Variants in FERMT2 observed in about 807,000 individuals in gnomAD.
FERMT2 encodes the protein FERM domain containing kindlin 2.
Under a neutral mutation model 82.7 loss-of-function variants are expected in FERMT2, and 15 were observed. The ratio of observed to expected loss-of-function variants is 0.18; its 90% CI spans 0.12 to 0.28. The LOEUF is 0.28. Among genes scored for constraint, FERMT2 ranks in the 10% least tolerant of loss-of-function variants. The pLI, the probability that FERMT2 is intolerant of heterozygous loss-of-function variation, is 1.00. For missense variants in FERMT2, 645 were observed against 809.4 expected, an observed-to-expected ratio of 0.80 and a Z score of 2.46; for synonymous variants, 274 against 271.5, an observed-to-expected ratio of 1.01 and a Z score of -0.09.
intron 3 of FERMT2, among the ~76,000 whole-genome samples, chr14:52,910,766 T>C (rs973725463): frequency 3.9e-5 from 6 of 152,196 alleles, no homozygotes; most frequent in African/African-American, 1.4e-4. Flanking sequence ...TGGATCACTG[T>C]CCTTTTTCAG....
At chr14:52,942,364 G>A (rs544795291) in intron 2 of FERMT2, among the ~76,000 whole-genome samples, 35 of 148,752 alleles carry the variant, frequency 2.4e-4, no homozygotes, top group African/African-American at 6.7e-4. Context: ...GTGCAGTGGC[G>A]CGATCCCGGC....
intron 3 of FERMT2, among the ~76,000 whole-genome samples, chr14:52,904,744 T>C (rs1887892037): frequency 7.3e-6 from 1 of 136,126 alleles, no homozygotes; most frequent in Non-Finnish European, 1.6e-5. Context: ...TGATGAGACC[T>C]AATCTCTAAA....
rs79173467 is a variant in FERMT2 at position 52,950,402 on chromosome 14, T to A, written c.157+10A>T. On this transcript the variant is annotated intron_variant, in intron 2 of 14. Coordinates refer to ENST00000341590, the MANE Select transcript of FERMT2 (RefSeq NM_006832.3). ...AGTCATTAGTTGGACGCGGCTGGGATGCTACTCACCGAGTTTCTCCACCAG... is the reference window on the plus strand; with the variant it reads ...AGTCATTAGTTGGACGCGGCTGGGAAGCTACTCACCGAGTTTCTCCACCAG... 1 of 1,610,486 alleles carries A rather than the reference T, an allele frequency of 6.2e-7. No individual in the cohort carries two copies. The highest frequency in any genetic ancestry group is 1.3e-5 in the African/African-American group (1 of 74,620).
Position 52,919,251 on chromosome 14 carries a change from G to C in FERMT2, c.263C>G (p.Ala88Gly), listed in dbSNP as rs764003998. ...GTGCTGAGGGGTGAACTGAAGCTTA[G>C]CATCTGCCTGAATACCATACTTATC... ...TLDKYGIQAD[A>G]KLQFTPQHKL... Residue 88 changes from alanine to glycine, a missense_variant, in exon 3 of 15, where the codon GCT (alanine) becomes GGT (glycine). Transcript: ENST00000341590. The C allele has an allele frequency of 6.2e-7, 1 of 1,614,064 alleles. No individual in the cohort carries two copies. The highest frequency in any genetic ancestry group is 2.2e-5 in the East Asian group (1 of 44,884).
At chr14:52,950,357 TC>T in intron 2 of FERMT2, 54 bp downstream of exon 2, 2 of 1,565,932 alleles carry the variant, frequency 1.3e-6, no homozygotes, top group Non-Finnish European at 8.7e-7. Context: ...GCCTCTTTCC[TC>T]CCCCTACCAA....
Position 52,884,874 on chromosome 14 carries a change from C to T in FERMT2, c.527-3405G>A, listed in dbSNP as rs530484785. 2.1e-4 allele frequency among the ~76,000 whole-genome samples: 31 copies of T among 149,232 alleles called. No homozygotes were observed. In the South Asian group the frequency reaches 5.8e-3, roughly 28 times the overall value. ...AAAATAAGCTGGGTGTGGTGGTGCA[C>T]GCCTATAGTCCCAGCTACTTGGGAG... On this transcript the variant is annotated intron_variant, in intron 4 of 14. Coordinates refer to ENST00000341590, the MANE Select transcript of FERMT2 (RefSeq NM_006832.3).
intron 12 of FERMT2, chr14:52,860,882 G>A (rs1462923308): frequency 9.9e-6 from 7 of 706,980 alleles, no homozygotes; most frequent in Non-Finnish European, 1.7e-5. Context: ...CAGCTTTAAG[G>A]TACTTGAAAT....
At chr14:52,878,802 TA>T (rs2140110909) in intron 6 of FERMT2, 113 bp from the exon 7 acceptor site, 1 of 558,970 alleles carries the variant, frequency 1.8e-6, no homozygotes, top group African/African-American at 1.9e-5. Context: ...CCTGGGATCT[TA>T]ATTTACAAGC....
At chr14:52,863,736 T>C (rs142233449) in intron 12 of FERMT2, 29 of 152,314 alleles carry the variant, frequency 1.9e-4, no homozygotes, top group African/African-American at 7.0e-4. Context: ...TCTTGTAAAG[T>C]TTCTTTCTAA....
intron 2 of FERMT2, among the ~76,000 whole-genome samples, chr14:52,934,098 C>T (rs936909727): frequency 1.3e-5 from 2 of 152,226 alleles, no homozygotes; most frequent in South Asian, 4.1e-4. Context: ...AAGTCTTTAT[C>T]CTGTGTCTCA....
At chr14:52,914,199 C>CA (rs199591276) in intron 3 of FERMT2, among the ~76,000 whole-genome samples, 83 of 143,128 alleles carry the variant, frequency 5.8e-4, no homozygotes, top group East Asian at 4.6e-3. Flanking sequence ...CCTGTCTCTA[C>CA]AAAAAAAAAA....
chr14:52,875,240 T>A lies in FERMT2; in HGVS notation c.1081A>T (p.Lys361Ter). ...CACCCTACCAAAATTGTTGACGTTTTACCCCCTTCCAGAGTAATCTCCAGG... is the reference window on the plus strand; with the variant it reads ...CACCCTACCAAAATTGTTGACGTTTAACCCCCTTCCAGAGTAATCTCCAGG... Reference protein sequence around the residue: ...SDLEITLEGGKTSTILGDITS... With the variant: ...SDLEITLEGG The change falls in exon 8 of 15, where the codon AAA (lysine) becomes TAA (stop). Residue 361 changes from lysine to a stop codon, truncating the protein, a stop_gained. Coordinates refer to ENST00000341590, the MANE Select transcript of FERMT2 (RefSeq NM_006832.3). LOFTEE classifies it high-confidence loss of function. 1 of 1,607,508 alleles carries A rather than the reference T, an allele frequency of 6.2e-7. No individual in the cohort carries two copies. Among genetic ancestry groups the A allele is most frequent in the Non-Finnish European group, 8.5e-7 (1 of 1,178,268 alleles).
At chr14:52,895,948 TA>T (rs1224004726) in intron 3 of FERMT2, among the ~76,000 whole-genome samples, 4 of 152,234 alleles carry the variant, frequency 2.6e-5, no homozygotes, top group Admixed American at 2.6e-4. Context: ...AATTTCATTT[TA>T]TTTTTTTGTA....
intron 2 of FERMT2, among the ~76,000 whole-genome samples, chr14:52,948,872 T>C (rs538717759): frequency 1.3e-5 from 2 of 152,314 alleles, no homozygotes; most frequent in South Asian, 2.1e-4. Flanking sequence ...CCATTTACCA[T>C]AAATTAGAAA....
chr14:52,919,828 G>C (rs556009526), intron 2 of FERMT2, among the ~76,000 whole-genome samples: 22 of 152,252 alleles, frequency 1.4e-4, no homozygotes, highest in African/African-American at 4.6e-4. Context: ...GAACCAAAGT[G>C]AACAGAGACC....
At chr14:52,873,032 G>A in intron 9 of FERMT2, 109 bp from the exon 10 acceptor site, 1 of 1,040,806 alleles carries the variant, frequency 9.6e-7, no homozygotes, top group African/African-American at 1.6e-5. Context: ...AGTTTTACAC[G>A]TGCTGAAATT....
intron 3 of FERMT2, among the ~76,000 whole-genome samples, chr14:52,914,812 T>C (rs1888529134): frequency 1.3e-5 from 2 of 152,034 alleles, no homozygotes; most frequent in Admixed American, 1.3e-4. Flanking sequence ...CCCAGCTGCT[T>C]GGGAGGCTGA....
chr14:52,877,476 G>C (rs555682773), intron 7 of FERMT2, among the ~76,000 whole-genome samples: 1 of 148,604 alleles, frequency 6.7e-6, no homozygotes, highest in African/African-American at 2.5e-5. Context: ...GAAAATAACT[G>C]ATTAATCCAT....
At chr14:52,892,168 T>G (rs1442794953) in intron 4 of FERMT2, among the ~76,000 whole-genome samples, 1,688 of 12,142 alleles carry the variant, frequency 0.14, 21 homozygotes, top group Middle Eastern at 0.25. Flanking sequence ...TGTTTTTTGT[T>G]TTTTTTTTTT....
Sources: gnomAD v4.1 joint callset for allele counts (sites outside exome capture counted in the v4.1 genomes callset) on GRCh38, gnomAD v4.1.1 for gene constraint, MANE v1.5 for transcripts, NCBI Gene and HGNC (gene_info 2026-07-23, HGNC 2026-07-21) for gene names.